PTK2: variants seen among roughly 807,000 people sequenced by gnomAD.
PTK2 encodes the protein protein tyrosine kinase 2, also known as focal adhesion kinase 1.
Under a neutral mutation model 150.1 loss-of-function variants are expected in PTK2, and 45 were observed. That is an observed-to-expected ratio of 0.30 (90% CI 0.24 to 0.38). PTK2 has a LOEUF of 0.38. PTK2 is among the 10% of genes least tolerant of loss of function. PTK2 has a pLI of 1.00. For synonymous variants in PTK2, 432 were observed against 449.2 expected (o/e 0.96, Z 0.48); for missense variants, 919 against 1,307.3 (o/e 0.70, Z 4.58).
chr8:140,708,062 A>G (rs572669915), intron 23 of PTK2, among the ~76,000 whole-genome samples: 1 of 152,248 alleles, frequency 6.6e-6, no homozygotes, highest in East Asian at 1.9e-4. Context: ...AGTCTGAAAC[A>G]GAAGTCTGAA....
At chr8:140,883,554 G>C (rs72614015) in intron 3 of PTK2, among the ~76,000 whole-genome samples, 19,518 of 151,964 alleles carry the variant, frequency 0.13, 2,009 homozygotes, top group East Asian at 0.48. Context: ...TTCTCATTGT[G>C]TTTCTCTTTC....
In PTK2 at chr8:140,759,261, C is replaced by T. The variant is rs763328123; in HGVS notation, c.1332+1904G>A. On this transcript the variant is annotated intron_variant, in intron 16 of 31. Coordinates refer to ENST00000522684, the Ensembl canonical transcript of PTK2. Reference sequence around the variant, plus strand: ...AGATGTGGAGATCTGCAGTCTTATACGCTGCTGCTAGTAATATAAAATGGT... The same window carrying T: ...AGATGTGGAGATCTGCAGTCTTATATGCTGCTGCTAGTAATATAAAATGGT... Among the ~76,000 whole-genome samples the T allele has an allele frequency of 5.3e-5, 8 of 151,844 alleles. No homozygotes were observed. The East Asian group carries it at 7.7e-4, about 15-fold the overall frequency.
chr8:140,892,544 T>A, intron 2 of PTK2: 1 of 419,006 alleles, frequency 2.4e-6, no homozygotes, highest in Non-Finnish European at 4.6e-6. Flanking sequence ...AACTCCCCAC[T>A]ATCTGTCCAG....
chr8:140,679,644 C>T lies in PTK2; in HGVS notation c.2563-4145G>A, dbSNP rs139707065. 9.4e-3 allele frequency among the ~76,000 whole-genome samples: 1,433 copies of T among 152,254 alleles called. 23 individuals carry two copies. Among genetic ancestry groups the T allele is most frequent in the Non-Finnish European group, 0.011 (746 of 68,010 alleles). On this transcript the variant is annotated intron_variant, in intron 27 of 31. Coordinates refer to ENST00000522684, the Ensembl canonical transcript of PTK2. ...GTAAACTGAGGCTAATAACACTTACCTAATAAGACAACTGGGTTGTCATCA... is the reference window on the plus strand; with the variant it reads ...GTAAACTGAGGCTAATAACACTTACTTAATAAGACAACTGGGTTGTCATCA...
chr8:140,866,541 C>T (rs1350868486), intron 4 of PTK2, among the ~76,000 whole-genome samples: 1 of 152,210 alleles, frequency 6.6e-6, no homozygotes, highest in East Asian at 1.9e-4. Context: ...TGTCAGCTAT[C>T]ACTTCTCTGT....
intron 5 of PTK2, among the ~76,000 whole-genome samples, chr8:140,860,762 CCG>C (rs1187094301): frequency 6.6e-6 from 1 of 152,208 alleles, no homozygotes; most frequent in Non-Finnish European, 1.5e-5. Flanking sequence ...GCGTTAGCCA[CCG>C]CACCCAGACA....
At chr8:140,668,528 A>G in intron 29 of PTK2, 104 bp from the exon 34 acceptor site, 2 of 1,316,690 alleles carry the variant, frequency 1.5e-6, no homozygotes, top group Non-Finnish European at 2.1e-6. Flanking sequence ...AGCAGATTGC[A>G]GAAGGTCATT....
intron 1 of PTK2, among the ~76,000 whole-genome samples, chr8:140,952,398 G>A (rs879880101): frequency 6.6e-5 from 10 of 152,136 alleles, no homozygotes; most frequent in Admixed American, 2.6e-4. Context: ...GGACAGAATA[G>A]GCTCCTCTCC....
chr8:140,778,073 ATGAT>A (rs2100079469), intron 14 of PTK2, among the ~76,000 whole-genome samples: 1 of 152,238 alleles, frequency 6.6e-6, no homozygotes, highest in African/African-American at 2.4e-5. Context: ...TGTTGCCACA[ATGAT>A]TGGCTTGCTG....
chr8:140,748,207 C>CAGCA (rs1472712854), intron 17 of PTK2, among the ~76,000 whole-genome samples: 1 of 152,068 alleles, frequency 6.6e-6, no homozygotes, highest in Non-Finnish European at 1.5e-5. Context: ...CTATAAAAGA[C>CAGCA]TTTCTACTGG....
chr8:140,663,602 A>G (rs888252963), intron 31 of PTK2, among the ~76,000 whole-genome samples: 1 of 152,344 alleles, frequency 6.6e-6, no homozygotes, highest in Non-Finnish European at 1.5e-5. Flanking sequence ...CATATAATTG[A>G]AACAAAATTG....
At position 140,828,216 on chromosome 8, in the gene PTK2, C is replaced by T. The variant is rs147547174; in HGVS notation, c.648+2256G>A. Among the ~76,000 whole-genome samples the T allele has an allele frequency of 5.9e-3, 882 of 150,308 alleles. 10 individuals are homozygous for T. Among genetic ancestry groups the T allele is most frequent in the Non-Finnish European group, 7.2e-3 (483 of 67,490 alleles). On this transcript the variant is annotated intron_variant, in intron 8 of 31. Transcript: ENST00000522684. The stretch of plus-strand genomic sequence containing the variant: ...TAGAATTAAAAATTAAGATACTAAA[C>T]AGGGTCCCAAGATTGAAGGGAGTAT...
chr8:140,979,025 C>T (rs1220333943), intron 1 of PTK2, among the ~76,000 whole-genome samples: 1 of 150,438 alleles, frequency 6.6e-6, no homozygotes, highest in Non-Finnish European at 1.5e-5. Flanking sequence ...AAACCAAACA[C>T]CCCATGTTCT....
chr8:140,689,483 G>T (rs2100021883), intron 26 of PTK2, among the ~76,000 whole-genome samples: 1 of 152,180 alleles, frequency 6.6e-6, no homozygotes, highest in Non-Finnish European at 1.5e-5. Context: ...CTTTTTTCTA[G>T]AAAGGGCATT....
chr8:140,966,476 CA>C (rs1420856451), intron 1 of PTK2, among the ~76,000 whole-genome samples: 1 of 151,862 alleles, frequency 6.6e-6, no homozygotes, highest in East Asian at 1.9e-4. Context: ...CCTGTTTTAG[CA>C]ACAGGCAATT....
At chr8:140,701,047 T>C in intron 25 of PTK2, 25 bp from the exon 29 acceptor site, 2 of 1,609,206 alleles carry the variant, frequency 1.2e-6, no homozygotes, top group Non-Finnish European at 1.7e-6. Context: ...GAAAACAGCA[T>C]ATTCAGTCTC....
chr8:140,960,071 C>G (rs1440274476), intron 1 of PTK2, among the ~76,000 whole-genome samples: 3 of 151,122 alleles, frequency 2.0e-5, no homozygotes, highest in African/African-American at 7.3e-5. Flanking sequence ...GTGGTTATCC[C>G]TGAGAGATAC....
At chr8:140,854,141 A>G (rs1598788162) in intron 5 of PTK2, among the ~76,000 whole-genome samples, 1 of 152,298 alleles carries the variant, frequency 6.6e-6, no homozygotes, top group African/African-American at 2.4e-5. Flanking sequence ...TCAACTTCCT[A>G]TTGCAACTCC....
chr8:140,765,872 G>A (rs2100071988), intron 14 of PTK2, among the ~76,000 whole-genome samples: 1 of 152,156 alleles, frequency 6.6e-6, no homozygotes, highest in African/African-American at 2.4e-5. Flanking sequence ...TAAGGCAACA[G>A]AAGCCACACA....
Sources: allele counts gnomAD v4.1 joint callset (sites outside exome capture counted in the v4.1 genomes callset), GRCh38; gene constraint gnomAD v4.1.1; transcripts MANE v1.5; gene names NCBI Gene and HGNC (gene_info 2026-07-23, HGNC 2026-07-21).